RHOU: variants seen among roughly 807,000 people sequenced by gnomAD.
RHOU encodes rho-related GTP-binding protein RhoU.
A neutral mutation model predicts 12.6 loss-of-function variants in RHOU; 8 were observed. That is an observed-to-expected ratio of 0.64 (90% CI 0.37 to 1.15). The LOEUF is 1.15. Among genes scored for constraint, RHOU ranks in the 50% most tolerant of loss-of-function variants. The probability of loss-of-function intolerance (pLI) is 0.01; values close to 1 mark genes in which losing one functional copy is unlikely to be tolerated. For synonymous variants in RHOU, 161 were observed against 147.4 expected (o/e 1.09, Z -0.67); for missense variants, 258 against 347.0 (o/e 0.74, Z 2.04).
chr1:228,674,675 A>G, the RHOU span, among the ~76,000 whole-genome samples: 7 of 150,782 alleles, frequency 4.6e-5, no homozygotes, highest in African/African-American at 1.7e-4. Context: ...CCGCTAATAA[A>G]TGATTTCCTA....
rs1283532023 is a variant in RHOU, at chr1:228,746,394, C to T, written c.*2654C>T. On this transcript the variant is annotated 3_prime_UTR_variant, in exon 3 of 3. Coordinates refer to ENST00000366691, the MANE Select transcript of RHOU (RefSeq NM_021205.6). Reference sequence around the variant, plus strand: ...AGGCCACCATTATAATTTATAAATACAGCATACTTCAAAACTGTTTGTTAT... The same window carrying T: ...AGGCCACCATTATAATTTATAAATATAGCATACTTCAAAACTGTTTGTTAT... The T allele has an allele frequency of 2.0e-5, 3 of 152,162 alleles. No individual in the cohort carries two copies. The allele number at this position is 152,162 out of a possible 1,614,324, so 9.4% of individuals were successfully genotyped here. A position where few individuals can be genotyped will look rare whatever the true frequency, so the allele number is the denominator to read the frequency against.
the RHOU span, among the ~76,000 whole-genome samples, chr1:228,700,022 A>G: frequency 6.6e-6 from 1 of 152,228 alleles, no homozygotes; most frequent in South Asian, 2.1e-4. Flanking sequence ...AAAATTATGT[A>G]TATAATTTGG....
chr1:228,659,581 A>G, the RHOU span, among the ~76,000 whole-genome samples: 243 of 152,172 alleles, frequency 1.6e-3, 1 homozygote, highest in Middle Eastern at 6.8e-3. Context: ...GTTTTTTTTT[A>G]AAGATAAAAT....
At chr1:228,680,963 A>G in the RHOU span, among the ~76,000 whole-genome samples, 4 of 152,172 alleles carry the variant, frequency 2.6e-5, no homozygotes, top group African/African-American at 7.2e-5. Context: ...GGTCTGGCTC[A>G]TGAAGCCGGT....
At chr1:228,654,670 G>T in the RHOU span, among the ~76,000 whole-genome samples, 3 of 152,098 alleles carry the variant, frequency 2.0e-5, no homozygotes, top group African/African-American at 7.2e-5. Flanking sequence ...TTTCACGATT[G>T]TAGCTACTGT....
the RHOU span, among the ~76,000 whole-genome samples, chr1:228,681,295 G>A: frequency 1.3e-5 from 2 of 152,138 alleles, no homozygotes; most frequent in Non-Finnish European, 2.9e-5. Flanking sequence ...GTGTGGGAAG[G>A]GGAGTTAATA....
At chr1:228,650,890 A>C in the RHOU span, 1 of 384,644 alleles carries the variant, frequency 2.6e-6, no homozygotes, top group South Asian at 2.2e-5. Context: ...TGCAAGACCC[A>C]CCTACATACG....
chr1:228,739,152 T>C (rs961224018), intron 2 of RHOU, among the ~76,000 whole-genome samples: 1 of 152,066 alleles, frequency 6.6e-6, no homozygotes, highest in African/African-American at 2.4e-5. Context: ...AATCAAAGAA[T>C]ACAGTCACTT....
the RHOU span, among the ~76,000 whole-genome samples, chr1:228,676,938 T>A: frequency 1.3e-5 from 2 of 152,338 alleles, no homozygotes; most frequent in African/African-American, 2.4e-5. Context: ...TCTGGATGTA[T>A]GCATGCAGGC....
chr1:228,715,854 G>A, the RHOU span, among the ~76,000 whole-genome samples: 1 of 148,790 alleles, frequency 6.7e-6, no homozygotes, highest in South Asian at 2.1e-4. Flanking sequence ...ATTATTTGAT[G>A]TGATTCATGA....
At chr1:228,739,087 C>A (rs1319506288) in intron 2 of RHOU, among the ~76,000 whole-genome samples, 1 of 152,038 alleles carries the variant, frequency 6.6e-6, no homozygotes, top group Non-Finnish European at 1.5e-5. Flanking sequence ...TGCCACTGCA[C>A]TCCAGCCTGG....
the RHOU span, among the ~76,000 whole-genome samples, chr1:228,727,521 G>C: frequency 6.6e-6 from 1 of 152,084 alleles, no homozygotes; most frequent in African/African-American, 2.4e-5. Flanking sequence ...ATGTTGCCCA[G>C]GCTCGTTTCT....
the RHOU span, among the ~76,000 whole-genome samples, chr1:228,646,500 C>G: frequency 0.013 from 1,224 of 91,066 alleles, 30 homozygotes; most frequent in African/African-American, 0.054. Flanking sequence ...CAGGGCTGGC[C>G]GAAGGCGAAC....
rs1398872517 is a variant in RHOU at position 228,743,932 on chromosome 1, T to C, written c.*192T>C. On this transcript the variant is annotated 3_prime_UTR_variant, in exon 3 of 3. Coordinates refer to ENST00000366691, the MANE Select transcript of RHOU (RefSeq NM_021205.6). This position sits in a 1 kb window ranked among gnomAD's most constrained non-coding sequence, Gnocchi z 5.1. The stretch of plus-strand genomic sequence containing the variant: ...TGTTTGTTTGAGCTTAGGGATGAGA[T>C]ACTTATGCAAGATATTTTTGAAGTA... The C allele has an allele frequency of 1.8e-6, 1 of 541,168 alleles. No homozygotes were observed. Among genetic ancestry groups the C allele is most frequent in the South Asian group, 3.0e-5 (1 of 32,862 alleles). 33.5% of individuals were successfully genotyped at this position (541,168 alleles called of 1,614,324 possible). A position where few individuals can be genotyped will look rare whatever the true frequency, so the allele number is the denominator to read the frequency against.
upstream of RHOU, among the ~76,000 whole-genome samples, chr1:228,730,650 G>C (rs578025828): frequency 2.4e-4 from 36 of 152,202 alleles, no homozygotes; most frequent in Non-Finnish European, 4.7e-4. Context: ...TCCAGTTCTA[G>C]AGAAATATTC....
chr1:228,657,091 C>T, the RHOU span, among the ~76,000 whole-genome samples: 10 of 151,900 alleles, frequency 6.6e-5, no homozygotes, highest in East Asian at 1.4e-3. Context: ...GCCTGGCCAA[C>T]ATGATGAAAC....
At chr1:228,687,300 T>A in the RHOU span, 30 of 645,980 alleles carry the variant, frequency 4.6e-5, no homozygotes, top group Non-Finnish European at 7.2e-5. Context: ...ATCCCTTTCT[T>A]TTTTTTTTGG....
rs1188222884 is a variant in RHOU at position 228,735,795 on chromosome 1, C to T, written c.53C>T (p.Pro18Leu). ...PAFPDRCEAP[P>L]VPPRRERGGR... ...TTCCCCGACCGCTGCGAGGCGCCTC[C>T]GGTGCCGCCGCGTCGGGAGCGCGGT... Residue 18 changes from proline to leucine, a missense_variant, in exon 1 of 3, where the codon CCG becomes CTG. Transcript: ENST00000366691. The surrounding 1 kb of genome is among the most constrained non-coding windows in gnomAD (Gnocchi z 8.1). The T allele has an allele frequency of 2.5e-6, 3 of 1,217,040 alleles. No homozygotes were observed. Among genetic ancestry groups the T allele is most frequent in the Admixed American group, 4.4e-5 (1 of 22,900 alleles). The allele number at this position is 1,217,040 out of a possible 1,614,324, so 75.4% of individuals were successfully genotyped here. A position where few individuals can be genotyped will look rare whatever the true frequency, so the allele number is the denominator to read the frequency against.
At chr1:228,703,675 C>G in the RHOU span, among the ~76,000 whole-genome samples, 3 of 152,206 alleles carry the variant, frequency 2.0e-5, no homozygotes, top group Non-Finnish European at 2.9e-5. Flanking sequence ...TTAAGAAACA[C>G]AGCAATTAAA....
Sources: gnomAD v4.1 joint callset for allele counts (sites outside exome capture counted in the v4.1 genomes callset) on GRCh38, gnomAD v4.1.1 for gene constraint, Gnocchi (gnomAD v3.1) non-coding constraint, MANE v1.5 for transcripts, NCBI Gene and HGNC (gene_info 2026-07-23, HGNC 2026-07-21) for gene names.